The following COG2 variants were observed in gnomAD, a reference collection of about 807,000 sequenced individuals.
The protein encoded by COG2 is component of oligomeric golgi complex 2, also known as conserved oligomeric Golgi complex subunit 2.
A neutral mutation model predicts 90.6 loss-of-function variants in COG2; 52 were observed. The ratio of observed to expected loss-of-function variants is 0.57; its 90% confidence interval spans 0.46 to 0.72. The LOEUF is 0.72. Ranked by LOEUF, COG2 falls within the 30% of genes least tolerant of loss-of-function variation. The pLI, the probability that COG2 is intolerant of heterozygous loss-of-function variation, is 0.00. For missense variants in COG2, 829 were observed against 891.2 expected (o/e 0.93, Z 0.89); for synonymous variants, 337 against 320.4 (o/e 1.05, Z -0.55).
chr1:230,643,508 A>G (rs1661679862), intron 1 of COG2, among the ~76,000 whole-genome samples: 1 of 152,250 alleles, frequency 6.6e-6, no homozygotes, highest in Non-Finnish European at 1.5e-5. Flanking sequence ...TAAAAAGCGA[A>G]AAGTTTTAGC....
chr1:230,693,556 T>G lies in COG2; in HGVS notation c.*163T>G. 1 of 483,580 alleles carries G rather than the reference T, an allele frequency of 2.1e-6. No individual in the cohort carries two copies. Among genetic ancestry groups the G allele is most frequent in the South Asian group, 4.1e-5 (1 of 24,258 alleles). 30.0% of individuals were successfully genotyped at this position (483,580 alleles called of 1,614,324 possible). ...GCCCATGCGTCTTCTCTCAGCGTAT[T>G]TGGGTCTTCTTTGCCCAAAAGAACA... On this transcript the variant is annotated 3_prime_UTR_variant, in exon 18 of 18. Transcript: ENST00000366669.
At chr1:230,660,512 G>T (rs1364240929) in intron 2 of COG2, among the ~76,000 whole-genome samples, 2 of 152,024 alleles carry the variant, frequency 1.3e-5, no homozygotes, top group Non-Finnish European at 2.9e-5. Flanking sequence ...GCCTAAGGAG[G>T]CTTTTATTTA....
chr1:230,642,577 T>C lies in COG2; in HGVS notation c.-30T>C. 6.2e-7 allele frequency: 1 copy of C among 1,603,908 alleles called. No individual in the cohort carries two copies. The highest frequency in any genetic ancestry group is 8.5e-7 in the Non-Finnish European group (1 of 1,175,130). ...AGCCTCCTGCGTTTTCTCGCTTGGA[T>C]CTTGGCACTGAGAGGCGGTGGCCGG... On this transcript the variant is annotated 5_prime_UTR_variant, in exon 1 of 18. Transcript: ENST00000366669.
At chr1:230,663,785 T>C (rs955440728) in intron 4 of COG2, among the ~76,000 whole-genome samples, 1 of 152,222 alleles carries the variant, frequency 6.6e-6, no homozygotes, top group Non-Finnish European at 1.5e-5. Flanking sequence ...CGTTTATTGG[T>C]ATATCATGCA....
At chr1:230,679,077 G>T (rs548935579) in intron 10 of COG2, 25 bp downstream of exon 10, 2 of 1,592,864 alleles carry the variant, frequency 1.3e-6, no homozygotes, top group African/African-American at 2.7e-5. Context: ...CACCGCCCCC[G>T]CCCCGCACCC....
chr1:230,687,476 C>T (rs1464187901), intron 13 of COG2, among the ~76,000 whole-genome samples: 1 of 152,146 alleles, frequency 6.6e-6, no homozygotes, highest in Non-Finnish European at 1.5e-5. Flanking sequence ...TCACCTTATT[C>T]TGGTCAGGCA....
chr1:230,680,689 A>G (rs768590324), intron 10 of COG2: 5 of 152,202 alleles, frequency 3.3e-5, no homozygotes, highest in Admixed American at 2.6e-4. Flanking sequence ...AATTCATGAA[A>G]TTTTAAAAAA....
At chr1:230,688,586 A>C in intron 15 of COG2, 24 bp downstream of exon 15, 1 of 1,612,772 alleles carries the variant, frequency 6.2e-7, no homozygotes, top group South Asian at 1.1e-5. Flanking sequence ...ATGGGAGAGA[A>C]TTTTGAGGTG....
At chr1:230,687,503 G>A (rs981868535) in intron 13 of COG2, among the ~76,000 whole-genome samples, 6 of 152,110 alleles carry the variant, frequency 3.9e-5, no homozygotes, top group African/African-American at 1.4e-4. Flanking sequence ...TTAGTGGGCT[G>A]GATTTTAGTT....
chr1:230,649,200 T>C (rs1248018937), intron 1 of COG2, among the ~76,000 whole-genome samples: 1 of 152,224 alleles, frequency 6.6e-6, no homozygotes, highest in Non-Finnish European at 1.5e-5. Context: ...CACTTTAGCA[T>C]ACATTTTTAA....
chr1:230,678,386 G>A, intron 9 of COG2: 1 of 985,412 alleles, frequency 1.0e-6, no homozygotes, highest in Non-Finnish European at 1.2e-6. Context: ...TCTAATCACA[G>A]TGTGTCGATG....
chr1:230,687,214 C>T (rs541471048), intron 13 of COG2, 82 bp downstream of exon 13: 1 of 1,247,660 alleles, frequency 8.0e-7, no homozygotes, highest in East Asian at 2.4e-5. Context: ...GCAAACACCA[C>T]TGGGCCTTAC....
intron 1 of COG2, 49 bp from the exon 2 acceptor site, chr1:230,659,414 CA>C (rs1158010302): frequency 7.1e-7 from 1 of 1,401,020 alleles, no homozygotes; most frequent in Non-Finnish European, 1.0e-6. Context: ...TTGTATATGT[CA>C]CTGTGATATC....
At chr1:230,674,436 G>GCA (rs1662536591) in intron 8 of COG2, among the ~76,000 whole-genome samples, 1 of 152,112 alleles carries the variant, frequency 6.6e-6, no homozygotes, top group South Asian at 2.1e-4. Context: ...AACAAGACAG[G>GCA]CACACACACA....
chr1:230,690,105 C>T lies in COG2; in HGVS notation c.1886C>T (p.Ala629Val). ...QSGHKDKLKQ[A>V]IIQQWLEGTL... ...GGACACAAGGATAAGCTCAAACAAG[C>T]AATAATTCAGCAGTGGCTAGAAGGC... The change falls in exon 16 of 18, where the codon GCA becomes GTA. Residue 629 changes from alanine (A) to valine (V), a missense_variant. Ala to Val is a moderately conservative substitution (Grantham distance 64). Transcript: ENST00000366669. The T allele has an allele frequency of 6.2e-7, 1 of 1,613,682 alleles. No individual in the cohort carries two copies. Among genetic ancestry groups the T allele is most frequent in the Non-Finnish European group, 8.5e-7 (1 of 1,179,776 alleles).
chr1:230,650,829 T>G (rs1661898972), intron 1 of COG2, among the ~76,000 whole-genome samples: 3 of 152,210 alleles, frequency 2.0e-5, no homozygotes, highest in Non-Finnish European at 2.9e-5. Flanking sequence ...TAGTTTCAGG[T>G]CTTACACATT....
chr1:230,653,665 C>T (rs1661972664), intron 1 of COG2, among the ~76,000 whole-genome samples: 1 of 138,262 alleles, frequency 7.2e-6, no homozygotes, highest in South Asian at 2.4e-4. Flanking sequence ...AAACAGAATA[C>T]TTGGGACTGG....
chr1:230,682,925 A>G (rs1662788846), intron 10 of COG2: 1 of 152,316 alleles, frequency 6.6e-6, no homozygotes, highest in Non-Finnish European at 1.5e-5. Context: ...TTATTAGAAC[A>G]GAAGTCTGTG....
chr1:230,686,419 A>G (rs545946050), intron 12 of COG2, among the ~76,000 whole-genome samples: 16 of 152,244 alleles, frequency 1.1e-4, no homozygotes, highest in Non-Finnish European at 2.4e-4. Flanking sequence ...TTTGCCCTGA[A>G]TGTTCATTAT....
Sources: gnomAD v4.1 joint callset for allele counts (sites outside exome capture counted in the v4.1 genomes callset) on GRCh38, gnomAD v4.1.1 for gene constraint, MANE v1.5 for transcripts, NCBI Gene and HGNC (gene_info 2026-07-23, HGNC 2026-07-21) for gene names.